The following GRAMD1A variants were observed in gnomAD, a reference collection of about 807,000 sequenced individuals.
GRAMD1A encodes protein Aster-A.
A neutral mutation model predicts 92.0 loss-of-function variants in GRAMD1A; 50 were observed. That is an observed-to-expected ratio of 0.54 (90% CI 0.43 to 0.69). The LOEUF (loss-of-function observed/expected upper bound fraction) is 0.69, where lower values mean the gene tolerates loss of function less well. GRAMD1A is among the 30% of genes least tolerant of loss of function. The pLI is 0.00. For missense variants in GRAMD1A, 819 were observed against 978.9 expected, an observed-to-expected ratio of 0.84 and a Z score of 2.18; for synonymous variants, 405 against 403.6, an observed-to-expected ratio of 1.00 and a Z score of -0.04.
chr19:34,994,815 G>C (rs374478807), exon 1 of GRAMD1A: 4 of 152,324 alleles, frequency 2.6e-5, no homozygotes, highest in Non-Finnish European at 4.4e-5. Context: ...AGAGGAGGAG[G>C]ACCCAATAAG....
intron 6 of GRAMD1A, 124 bp from the exon 7 acceptor site, chr19:35,011,350 G>T (rs189291532): frequency 1.3e-6 from 1 of 784,288 alleles, no homozygotes; most frequent in East Asian, 2.4e-5. Flanking sequence ...TAATGCAGGG[G>T]TGAATTAGTG....
chr19:35,025,543 C>T (rs547773300), intron 19 of GRAMD1A, among the ~76,000 whole-genome samples: 2 of 152,290 alleles, frequency 1.3e-5, no homozygotes, highest in East Asian at 1.9e-4. Flanking sequence ...TGTGCCCGGC[C>T]GTTATCCCGG....
At position 35,014,249 on chromosome 19, in the gene GRAMD1A, G is replaced by C; in HGVS notation, c.931G>C (p.Val311Leu). 6.2e-7 allele frequency: 1 copy of C among 1,614,180 alleles called. No homozygotes were observed. The highest frequency in any genetic ancestry group is 2.2e-5 in the East Asian group (1 of 44,888). Residue 311 changes from valine (V) to leucine (L), a missense_variant, in exon 10 of 20, where the codon GTG (valine) becomes CTG (leucine). Physicochemically the swap from Val to Leu is conservative, Grantham distance 32. This residue lies in a region of GRAMD1A where 577 missense variants were observed against 674.6 expected (regional missense o/e 0.86). Transcript: ENST00000317991. The stretch of plus-strand genomic sequence containing the variant: ...GCCAGACGCCTCCTCCAGCCAGACA[G>C]TGACCCCGGTGGCTGAACCCCCGAG... ...SQPDASSSQT[V>L]TPVAEPPSTE...
intron 11 of GRAMD1A, among the ~76,000 whole-genome samples, chr19:35,016,806 A>G (rs1173686812): frequency 6.7e-6 from 1 of 150,016 alleles, no homozygotes; most frequent in Non-Finnish European, 1.5e-5. Flanking sequence ...TCAGGAGGCT[A>G]AGGCAGGAGA....
chr19:35,018,293 G>A (rs538738886), intron 11 of GRAMD1A, among the ~76,000 whole-genome samples: 107 of 152,262 alleles, frequency 7.0e-4, no homozygotes, highest in African/African-American at 2.3e-3. Context: ...CACTGTGCCC[G>A]GCTGCCTCAG....
chr19:35,014,355 C>T lies in GRAMD1A; in HGVS notation c.1037C>T (p.Thr346Ile). The T allele has an allele frequency of 6.2e-7, 1 of 1,614,136 alleles. No homozygotes were observed. The highest frequency in any genetic ancestry group is 8.5e-7 in the Non-Finnish European group (1 of 1,180,004). Residue 346 changes from threonine to isoleucine, a missense_variant, in exon 10 of 20, where the codon ACA becomes ATA. Thr to Ile is a moderately conservative substitution (Grantham distance 89). Transcript: ENST00000317991. ...LLPSEELLTD[T>I]SNSSSSTGEE... The stretch of plus-strand genomic sequence containing the variant: ...CCCAGTGAGGAGCTATTGACAGACA[C>T]AAGTAACTCCTCTTCATCCACTGGG...
chr19:35,014,067 C>T (rs2015445607), intron 9 of GRAMD1A, 122 bp from the exon 10 acceptor site: 3 of 909,734 alleles, frequency 3.3e-6, no homozygotes, highest in Non-Finnish European at 3.5e-6. Context: ...CAGCCGTGAG[C>T]CCTCGGTGCA....
At chr19:35,018,390 C>T (rs1049076985) in intron 11 of GRAMD1A, among the ~76,000 whole-genome samples, 3 of 152,144 alleles carry the variant, frequency 2.0e-5, no homozygotes, top group Non-Finnish European at 4.4e-5. Flanking sequence ...GACCAGATCT[C>T]GGAAGAACTC....
chr19:35,011,169 G>A (rs1011558052), intron 6 of GRAMD1A, among the ~76,000 whole-genome samples: 18 of 151,656 alleles, frequency 1.2e-4, no homozygotes, highest in Admixed American at 1.2e-3. Flanking sequence ...CAAGTTCCCT[G>A]GGCTCCCCCC....
intron 11 of GRAMD1A, among the ~76,000 whole-genome samples, chr19:35,016,869 C>T (rs529424480): frequency 1.8e-4 from 26 of 145,220 alleles, no homozygotes; most frequent in African/African-American, 5.4e-4. Context: ...CGTGCCGTTG[C>T]GCTCCAGCCT....
intron 4 of GRAMD1A, 31 bp from the exon 5 acceptor site, chr19:35,010,061 G>A: frequency 6.5e-7 from 1 of 1,545,000 alleles, no homozygotes; most frequent in Non-Finnish European, 9.0e-7. Context: ...CGTGACTTGG[G>A]TGTCCTCCTG....
At chr19:35,011,447 ACCT>A (rs1391112261) in intron 6 of GRAMD1A, 24 bp from the exon 7 acceptor site, 1 of 1,485,414 alleles carries the variant, frequency 6.7e-7, no homozygotes, top group East Asian at 2.3e-5. Context: ...ACCTGCTCAC[ACCT>A]CTCTCTCTCT....
chr19:35,023,407 C>T lies in GRAMD1A; in HGVS notation c.1962-20C>T, dbSNP rs2151737295. 1.2e-6 allele frequency: 2 copies of T among 1,602,056 alleles called. No homozygotes were observed. Among genetic ancestry groups the T allele is most frequent in the Non-Finnish European group, 1.7e-6 (2 of 1,173,588 alleles). ...CATCGGGGGAGGCCAAGGCCCTGCT[C>T]AGGCCTGGCATCCCCACAGCAAGTT... On this transcript the variant is annotated intron_variant, in intron 18 of 19. Transcript: ENST00000317991.
chr19:35,004,879 C>T (rs1229459826), intron 1 of GRAMD1A, among the ~76,000 whole-genome samples: 1 of 152,098 alleles, frequency 6.6e-6, no homozygotes, highest in Non-Finnish European at 1.5e-5. Flanking sequence ...CTCTGTGCAA[C>T]CCTAGGAGGT....
intron 6 of GRAMD1A, chr19:35,010,750 G>A: frequency 1.9e-6 from 1 of 518,836 alleles, no homozygotes. Flanking sequence ...CAACAAGAAG[G>A]GGGACAGGTG....
intron 6 of GRAMD1A, 185 bp downstream of exon 6, chr19:35,010,564 C>G (rs1004807071): frequency 3.3e-6 from 2 of 605,582 alleles, no homozygotes; most frequent in African/African-American, 1.9e-5. Flanking sequence ...TCCTCTCTTT[C>G]CCTGCAACCT....
intron 19 of GRAMD1A, among the ~76,000 whole-genome samples, chr19:35,024,441 C>CGGTGGGTCAGAGCAAGTGTCAGGCCAGT (rs2016296586): frequency 1.3e-5 from 2 of 152,068 alleles, no homozygotes; most frequent in African/African-American, 4.8e-5. Flanking sequence ...GTCAGGCCAG[C>CGGTGGGTCAGAGCAAGTGTCAGGCCAGT]AGTTGCGGTG....
intron 19 of GRAMD1A, among the ~76,000 whole-genome samples, chr19:35,025,825 C>G (rs2016392543): frequency 6.6e-6 from 1 of 152,168 alleles, no homozygotes; most frequent in African/African-American, 2.4e-5. Flanking sequence ...GGATTTGAAC[C>G]TAGGCCATCG....
upstream of GRAMD1A, chr19:34,996,397 C>A: frequency 1.1e-6 from 1 of 878,252 alleles, no homozygotes; most frequent in Non-Finnish European, 1.7e-6. Flanking sequence ...ACAACCTTAG[C>A]CCCACAGAGG....
Sources: allele counts gnomAD v4.1 joint callset (sites outside exome capture counted in the v4.1 genomes callset), GRCh38; gene constraint gnomAD v4.1.1; regional missense constraint gnomAD v4.1.1; transcripts MANE v1.5; gene names NCBI Gene and HGNC (gene_info 2026-07-23, HGNC 2026-07-21).